The following KCNIP4 variants were observed in gnomAD, a reference collection of about 807,000 sequenced individuals.
KCNIP4 encodes Kv channel-interacting protein 4.
Under a neutral mutation model 34.0 loss-of-function variants are expected in KCNIP4, and 12 were observed. The ratio of observed to expected loss-of-function variants is 0.35; its 90% CI spans 0.23 to 0.57. The LOEUF is 0.57. Ranked by LOEUF, KCNIP4 falls within the 20% of genes least tolerant of loss-of-function variation. KCNIP4 has a pLI of 0.83. For missense variants in KCNIP4, 238 were observed against 311.7 expected, an observed-to-expected ratio of 0.76 and a Z score of 1.78; for synonymous variants, 124 against 102.2, an observed-to-expected ratio of 1.21 and a Z score of -1.29.
chr4:21,094,481 G>GATA (rs1314524864), intron 1 of KCNIP4, among the ~76,000 whole-genome samples: 2 of 152,142 alleles, frequency 1.3e-5, no homozygotes, highest in Non-Finnish European at 1.5e-5. Flanking sequence ...CGACTGGGAG[G>GATA]ATAATATAAA....
chr4:21,190,835 G>A (rs868484561), intron 1 of KCNIP4, among the ~76,000 whole-genome samples: 5 of 152,030 alleles, frequency 3.3e-5, no homozygotes, highest in Admixed American at 1.3e-4. Context: ...TTTAGATGGC[G>A]CAGCTGCTCT....
At chr4:21,585,784 T>A (rs1188855224) in intron 1 of KCNIP4, among the ~76,000 whole-genome samples, 1 of 152,034 alleles carries the variant, frequency 6.6e-6, no homozygotes, top group East Asian at 1.9e-4. Flanking sequence ...TTTCATGAAG[T>A]GAGGGTGTTG....
At chr4:21,384,274 T>A (rs950020452) in intron 1 of KCNIP4, among the ~76,000 whole-genome samples, 3 of 152,180 alleles carry the variant, frequency 2.0e-5, no homozygotes, top group Non-Finnish European at 2.9e-5. Flanking sequence ...AGGGCTTTTT[T>A]CTCCTATCAT....
intron 1 of KCNIP4, among the ~76,000 whole-genome samples, chr4:21,704,283 T>G (rs970210580): frequency 6.6e-6 from 1 of 152,160 alleles, no homozygotes; most frequent in African/African-American, 2.4e-5. Context: ...CTTAGCAATG[T>G]TCATTGCTGG....
At chr4:21,050,760 C>A (rs961387925) in intron 1 of KCNIP4, among the ~76,000 whole-genome samples, 1 of 152,168 alleles carries the variant, frequency 6.6e-6, no homozygotes, top group Non-Finnish European at 1.5e-5. Context: ...CCAAATTTAT[C>A]TTAAGACATT....
chr4:21,846,290 TACAG>T (rs1447042504), intron 1 of KCNIP4: 1 of 152,088 alleles, frequency 6.6e-6, no homozygotes, highest in Admixed American at 6.6e-5. Flanking sequence ...AGAGATAACA[TACAG>T]ACAGATATAG....
At chr4:20,745,720 G>A (rs1752272992) in intron 5 of KCNIP4, among the ~76,000 whole-genome samples, 1 of 152,198 alleles carries the variant, frequency 6.6e-6, no homozygotes, top group Admixed American at 6.5e-5. Context: ...GCCTAGACTT[G>A]TTCAGTTGTG....
At position 20,740,006 on chromosome 4, in the gene KCNIP4, C is replaced by G. The variant is rs934203809; in HGVS notation, c.430-5271G>C. 2.5e-4 allele frequency among the ~76,000 whole-genome samples: 38 copies of G among 152,092 alleles called. No homozygotes were observed. In the South Asian group the frequency reaches 2.9e-3, roughly 12 times the overall value. ...AGAAAGGGTATCAGTGATTGAAGATCAAGTGAATGAAATGAAGCGAGAAGA... is the reference window on the plus strand; with the variant it reads ...AGAAAGGGTATCAGTGATTGAAGATGAAGTGAATGAAATGAAGCGAGAAGA... On this transcript the variant is annotated intron_variant, in intron 5 of 8. Transcript: ENST00000382152.
At chr4:21,742,276 G>T (rs945072233) in intron 1 of KCNIP4, among the ~76,000 whole-genome samples, 1 of 152,136 alleles carries the variant, frequency 6.6e-6, no homozygotes. Flanking sequence ...ATCCCTTACT[G>T]AGAAAGTCTC....
chr4:21,918,419 A>AAAAAGAGTTCCACAG (rs1252378873), intron 1 of KCNIP4, among the ~76,000 whole-genome samples: 1 of 152,156 alleles, frequency 6.6e-6, no homozygotes, highest in African/African-American at 2.4e-5. Flanking sequence ...ATCGTATTAG[A>AAAAAGAGTTCCACAG]AAAAGAGTTC....
rs146626850 is a variant in KCNIP4 at position 20,923,631 on chromosome 4, G to A, written c.62-40922C>T. On this transcript the variant is annotated intron_variant, in intron 1 of 8. Transcript: ENST00000382152. ...TAGAGAACCACCAATGTATGAGTTA[G>A]GACTGGTTTCCACCTTTCCATGGAC... is the stretch of plus-strand genomic sequence containing the variant. 2.2e-3 allele frequency among the ~76,000 whole-genome samples: 335 copies of A among 152,268 alleles called. 1 individual carries two copies. Among genetic ancestry groups the A allele is most frequent in the African/African-American group, 7.7e-3 (319 of 41,560 alleles).
At chr4:20,750,068 T>C (rs1005230994) in intron 4 of KCNIP4, among the ~76,000 whole-genome samples, 1 of 152,194 alleles carries the variant, frequency 6.6e-6, no homozygotes, top group Non-Finnish European at 1.5e-5. Context: ...GCTTAGTGTT[T>C]GGAAGAGACC....
chr4:20,840,027 C>T (rs13119321), intron 3 of KCNIP4, among the ~76,000 whole-genome samples: 40,914 of 152,092 alleles, frequency 0.27, 5,696 homozygotes, highest in South Asian at 0.41. Flanking sequence ...ACTGTGCAAA[C>T]AATATGGTTT....
At chr4:21,337,846 C>T (rs757292627) in intron 1 of KCNIP4, among the ~76,000 whole-genome samples, 60 of 152,074 alleles carry the variant, frequency 3.9e-4, no homozygotes, top group Non-Finnish European at 7.2e-4. Context: ...TATTTAAGAT[C>T]AGTTTGTTAG....
intron 1 of KCNIP4, among the ~76,000 whole-genome samples, chr4:21,589,311 TAC>T (rs1741970061): frequency 6.9e-6 from 1 of 145,524 alleles, no homozygotes; most frequent in Admixed American, 6.9e-5. Context: ...GATACATATA[TAC>T]ATGTACATAT....
At chr4:21,284,702 AC>A (rs1464506678) in intron 1 of KCNIP4, among the ~76,000 whole-genome samples, 5 of 152,000 alleles carry the variant, frequency 3.3e-5, no homozygotes, top group African/African-American at 1.2e-4. Context: ...ACTTAAATAT[AC>A]CTGTTCCTGT....
intron 1 of KCNIP4, among the ~76,000 whole-genome samples, chr4:20,945,367 A>G (rs1732082950): frequency 6.6e-6 from 1 of 152,284 alleles, no homozygotes; most frequent in Admixed American, 6.5e-5. Flanking sequence ...CAGGACTCGA[A>G]TTCAGTTGTG....
At chr4:21,892,279 TACA>T (rs1196054586) in intron 1 of KCNIP4, among the ~76,000 whole-genome samples, 1 of 151,632 alleles carries the variant, frequency 6.6e-6, no homozygotes, top group Admixed American at 6.6e-5. Flanking sequence ...AAACAAGGTC[TACA>T]TGAAAGAGTT....
intron 1 of KCNIP4, among the ~76,000 whole-genome samples, chr4:21,637,074 G>C (rs903774786): frequency 6.6e-6 from 1 of 152,012 alleles, no homozygotes; most frequent in Non-Finnish European, 1.5e-5. Flanking sequence ...AATTGGTTCC[G>C]GGACCTCCTT....
Sources: gnomAD v4.1 joint callset for allele counts (sites outside exome capture counted in the v4.1 genomes callset) on GRCh38, gnomAD v4.1.1 for gene constraint, MANE v1.5 for transcripts, NCBI Gene and HGNC (gene_info 2026-07-23, HGNC 2026-07-21) for gene names.